The following TMEM132C variants were observed in gnomAD, a reference collection of about 807,000 sequenced individuals.
TMEM132C encodes transmembrane protein 132C.
Under a neutral mutation model 61.4 loss-of-function variants are expected in TMEM132C, and 29 were observed. That is an observed-to-expected ratio of 0.47 (90% CI 0.35 to 0.64). The LOEUF (loss-of-function observed/expected upper bound fraction) is 0.64, where lower values mean the gene tolerates loss of function less well. Among genes scored for constraint, TMEM132C ranks in the 30% least tolerant of loss-of-function variants. The pLI is 0.00. For synonymous variants in TMEM132C, 656 were observed against 633.1 expected (o/e 1.04, Z -0.54); for missense variants, 1,408 against 1,476.9 (o/e 0.95, Z 0.76).
intron 1 of TMEM132C, among the ~76,000 whole-genome samples, chr12:128,299,947 C>A (rs1290561167): frequency 1.3e-5 from 2 of 152,206 alleles, no homozygotes; most frequent in Non-Finnish European, 2.9e-5. Flanking sequence ...GGAACCGGGG[C>A]AGGATGCCCA....
At chr12:128,585,288 A>T (rs775925433) in intron 3 of TMEM132C, among the ~76,000 whole-genome samples, 1 of 152,072 alleles carries the variant, frequency 6.6e-6, no homozygotes, top group African/African-American at 2.4e-5. Flanking sequence ...CCAAAGGCTA[A>T]GACCCAACCA....
chr12:128,633,077 G>A (rs1954075848), intron 4 of TMEM132C, among the ~76,000 whole-genome samples: 1 of 152,082 alleles, frequency 6.6e-6, no homozygotes, highest in Non-Finnish European at 1.5e-5. Flanking sequence ...AGATTGGTGG[G>A]GGCTGCAGTC....
chr12:128,396,062 G>A lies in TMEM132C; in HGVS notation c.86-18670G>A, dbSNP rs577624668. 6.4e-4 allele frequency among the ~76,000 whole-genome samples: 98 copies of A among 152,340 alleles called. No homozygotes were observed. The South Asian group carries it at 0.019, about 29-fold the overall frequency. On this transcript the variant is annotated intron_variant, in intron 1 of 8. Coordinates refer to ENST00000435159, the MANE Select transcript of TMEM132C (RefSeq NM_001136103.3). ...TGGTGGTACAGAAAGATACATGGAT[G>A]CGGGGTCCTTAGTGAGTTCATGGAG...
At chr12:128,507,162 C>G (rs372257730) in intron 2 of TMEM132C, among the ~76,000 whole-genome samples, 4 of 152,058 alleles carry the variant, frequency 2.6e-5, no homozygotes, top group Non-Finnish European at 4.4e-5. Context: ...CTGCTTACAA[C>G]CAAAAAATCC....
intron 3 of TMEM132C, among the ~76,000 whole-genome samples, chr12:128,587,418 C>A (rs961971793): frequency 1.9e-4 from 29 of 152,310 alleles, no homozygotes; most frequent in African/African-American, 6.7e-4. Flanking sequence ...TGTCACTAAG[C>A]CAAGTCATGG....
At chr12:128,370,246 C>T (rs1873990127) in intron 1 of TMEM132C, among the ~76,000 whole-genome samples, 5 of 152,098 alleles carry the variant, frequency 3.3e-5, no homozygotes, top group African/African-American at 7.2e-5. Context: ...GGTACATGCA[C>T]GGGGCTGCCT....
chr12:128,382,887 A>G (rs1170203879), intron 1 of TMEM132C, among the ~76,000 whole-genome samples: 1 of 151,948 alleles, frequency 6.6e-6, no homozygotes, highest in East Asian at 1.9e-4. Context: ...TGCTGTGTGT[A>G]CCATATATGT....
At chr12:128,288,249 G>C (rs910784640) in intron 1 of TMEM132C, 3 of 152,084 alleles carry the variant, frequency 2.0e-5, no homozygotes, top group African/African-American at 7.3e-5. Context: ...GTGGAGATGG[G>C]GTTTCTCCAT....
intron 1 of TMEM132C, among the ~76,000 whole-genome samples, chr12:128,276,915 C>A: frequency 6.6e-6 from 1 of 151,806 alleles, no homozygotes; most frequent in South Asian, 2.1e-4. Context: ...CACACACACA[C>A]AATTCTAGGC....
At chr12:128,564,757 A>G (rs568348586) in intron 3 of TMEM132C, among the ~76,000 whole-genome samples, 2 of 152,346 alleles carry the variant, frequency 1.3e-5, no homozygotes, top group Non-Finnish European at 2.9e-5. Flanking sequence ...ATTGCCCTCA[A>G]GAGCAAATAA....
chr12:128,498,423 C>G (rs1041403944), intron 2 of TMEM132C, among the ~76,000 whole-genome samples: 5 of 152,134 alleles, frequency 3.3e-5, no homozygotes, highest in African/African-American at 1.2e-4. Context: ...CACCTGTAAT[C>G]CCAGCACTTT....
intron 4 of TMEM132C, among the ~76,000 whole-genome samples, chr12:128,653,190 T>C (rs1435170904): frequency 6.6e-6 from 1 of 152,070 alleles, no homozygotes; most frequent in Non-Finnish European, 1.5e-5. Context: ...TGTTGTATGA[T>C]TCCCTTTAAA....
At chr12:128,658,965 G>C (rs1954357738) in intron 4 of TMEM132C, among the ~76,000 whole-genome samples, 1 of 152,196 alleles carries the variant, frequency 6.6e-6, no homozygotes, top group African/African-American at 2.4e-5. Flanking sequence ...ACAGGAGTTA[G>C]CTTCTGCAAA....
chr12:128,367,347 G>A (rs1565914627), intron 1 of TMEM132C, among the ~76,000 whole-genome samples: 1 of 152,166 alleles, frequency 6.6e-6, no homozygotes, highest in African/African-American at 2.4e-5. Context: ...TGAGCTCTGT[G>A]TTCTGTGCTC....
At chr12:128,470,343 C>G (rs189096701) in intron 2 of TMEM132C, among the ~76,000 whole-genome samples, 17 of 152,300 alleles carry the variant, frequency 1.1e-4, no homozygotes, top group African/African-American at 3.8e-4. Context: ...TCCTGTTATT[C>G]CTAGACCAGT....
intron 2 of TMEM132C, among the ~76,000 whole-genome samples, chr12:128,456,217 C>T (rs1870333955): frequency 1.3e-5 from 2 of 152,154 alleles, no homozygotes; most frequent in Admixed American, 6.6e-5. Context: ...ACAGCAGACA[C>T]ACAAAGACTA....
chr12:128,300,656 C>T (rs1302084092), intron 1 of TMEM132C, among the ~76,000 whole-genome samples: 1 of 152,172 alleles, frequency 6.6e-6, no homozygotes, highest in Non-Finnish European at 1.5e-5. Context: ...TCATTCCAAG[C>T]TGGACCAAGA....
chr12:128,309,044 C>A (rs965687965), intron 1 of TMEM132C, among the ~76,000 whole-genome samples: 12 of 149,526 alleles, frequency 8.0e-5, no homozygotes, highest in African/African-American at 2.7e-4. Context: ...GTAGAGGAGA[C>A]AATTTGGGGG....
chr12:128,493,923 G>A (rs1192529425), intron 2 of TMEM132C, among the ~76,000 whole-genome samples: 2 of 152,140 alleles, frequency 1.3e-5, no homozygotes, highest in Non-Finnish European at 2.9e-5. Context: ...TCCCTGTCTT[G>A]TGCCAGTTTT....
Sources: gnomAD v4.1 joint callset for allele counts (sites outside exome capture counted in the v4.1 genomes callset) on GRCh38, gnomAD v4.1.1 for gene constraint, MANE v1.5 for transcripts, NCBI Gene and HGNC (gene_info 2026-07-23, HGNC 2026-07-21) for gene names.